Variants in PAQR3 observed in about 807,000 individuals in gnomAD.
PAQR3 encodes Raf kinase trapping to Golgi.
In PAQR3, 39 loss-of-function variants were observed where a neutral mutation model predicts 41.7. The observed-to-expected ratio is 0.93, with a 90% CI of 0.72 to 1.22. The LOEUF is 1.22. Ranked by LOEUF, PAQR3 falls within the 50% of genes most tolerant of loss-of-function variation. PAQR3 has a pLI of 0.00. For missense variants in PAQR3, 366 were observed against 385.6 expected (o/e 0.95, Z 0.42); for synonymous variants, 140 against 140.6 (o/e 1.00, Z 0.03).
Position 78,939,081 on chromosome 4 carries a change from G to A in PAQR3, c.144C>T (p.Asp48=), listed in dbSNP as rs775297777. 6.2e-7 allele frequency: 1 copy of A among 1,612,186 alleles called. No homozygotes were observed. Among genetic ancestry groups the A allele is most frequent in the East Asian group, 2.2e-5 (1 of 44,714 alleles). ...GSLKDNPYIT[D]GYRAYLPSRL... is the part of the protein sequence containing the mutation. ...TGGACGGCAGGTAGGCCCGGTAGCC[G>A]TCGGTGATGTACGGGTTGTCCTTGA... is the stretch of plus-strand genomic sequence containing the variant. The change falls in exon 1 of 6, where the codon GAC becomes GAT. Residue 48 remains aspartate (D), a synonymous_variant. Transcript: ENST00000512733.
At chr4:78,920,910 AGT>A (rs755377765) in intron 5 of PAQR3, among the ~76,000 whole-genome samples, 5 of 151,856 alleles carry the variant, frequency 3.3e-5, no homozygotes, top group African/African-American at 7.2e-5. Flanking sequence ...TGCTATTCCA[AGT>A]GTGTTTTCAA....
chr4:78,909,033 C>G (rs1734429412), downstream of PAQR3, among the ~76,000 whole-genome samples: 1 of 150,968 alleles, frequency 6.6e-6, no homozygotes, highest in Admixed American at 6.6e-5. Flanking sequence ...TGCCTGAACT[C>G]CCCTTCTTAC....
chr4:78,898,711 A>G (rs1340150394), intron 11 of PAQR3: 1 of 151,686 alleles, frequency 6.6e-6, no homozygotes, highest in Non-Finnish European at 1.5e-5. Context: ...CAAAATGACT[A>G]CAGAAATTGA....
At chr4:78,910,100 CAA>C (rs1251842396), downstream of PAQR3, among the ~76,000 whole-genome samples, 2 of 152,016 alleles carry the variant, frequency 1.3e-5, no homozygotes, top group Admixed American at 6.6e-5. Context: ...TAAGTCAATT[CAA>C]AAGATAGTGG....
chr4:78,939,347 C>T lies in PAQR3; in HGVS notation c.-123G>A, dbSNP rs1332609637. The T allele has an allele frequency of 1.3e-5, 11 of 831,450 alleles. No individual in the cohort carries two copies. In the South Asian group the frequency reaches 1.4e-4, roughly 11 times the overall value. The allele number at this position is 831,450 out of a possible 1,614,324, so 51.5% of individuals were successfully genotyped here. A position where few individuals can be genotyped will look rare whatever the true frequency, so the allele number is the denominator to read the frequency against. On this transcript the variant is annotated 5_prime_UTR_variant, in exon 1 of 6. Transcript: ENST00000512733. ...GCGGACGCTGCGCGAGGTCCTACCG[C>T]GCTGCCGCTGCTGCCCAGGGCCCGG...
At chr4:78,892,041 T>C (rs987386136) in intron 11 of PAQR3, among the ~76,000 whole-genome samples, 12 of 152,324 alleles carry the variant, frequency 7.9e-5, no homozygotes, top group Middle Eastern at 3.4e-3. Flanking sequence ...TCATGAAGGA[T>C]ATTGAACTTT....
Position 78,914,581 on chromosome 4 carries a change from T to G in PAQR3, c.*5958A>C, listed in dbSNP as rs550977127. The G allele has an allele frequency of 6.6e-6, 1 of 151,950 alleles. No individual in the cohort carries two copies. The highest frequency in any genetic ancestry group is 1.5e-5 in the Non-Finnish European group (1 of 67,894). 9.4% of individuals were successfully genotyped at this position (151,950 alleles called of 1,614,324 possible). On this transcript the variant is annotated 3_prime_UTR_variant, in exon 6 of 6. Coordinates refer to ENST00000512733, the MANE Select transcript of PAQR3 (RefSeq NM_001040202.2). ...TATTCCCTTGTGAGAATTATGAGAA[T>G]AAAGCTCCCAAGATATGTGAAAGTG... is the stretch of plus-strand genomic sequence containing the variant.
chr4:78,902,155 A>G (rs1180928334), intron 11 of PAQR3, among the ~76,000 whole-genome samples: 1 of 152,156 alleles, frequency 6.6e-6, no homozygotes, highest in Non-Finnish European at 1.5e-5. Context: ...ATTCCACTGT[A>G]TACATAGAGT....
At position 78,930,386 on chromosome 4, in the gene PAQR3, A is replaced by G. The variant is rs535594428; in HGVS notation, c.349-61T>C. 2.2e-4 allele frequency: 331 copies of G among 1,509,624 alleles called. 2 individuals carry two copies. In the African/African-American group the frequency reaches 4.0e-3, roughly 18 times the overall value. The allele number at this position is 1,509,624 out of a possible 1,614,324, so 93.5% of individuals were successfully genotyped here. On this transcript the variant is annotated intron_variant, in intron 2 of 5. Transcript: ENST00000512733. ...AAGAAACTAAAGCAACTTATGCATG[A>G]TATTCAGGGAAGTAGTTAAGAGGCT...
At chr4:78,927,326 A>G (rs745539018) in intron 3 of PAQR3, among the ~76,000 whole-genome samples, 1 of 152,230 alleles carries the variant, frequency 6.6e-6, no homozygotes, top group South Asian at 2.1e-4. Context: ...CACTGGAGGA[A>G]TAACAGAATT....
intron 1 of PAQR3, 48 bp from the exon 2 acceptor site, chr4:78,935,331 C>A: frequency 6.4e-7 from 1 of 1,552,024 alleles, no homozygotes; most frequent in Non-Finnish European, 8.8e-7. Context: ...GGCCAACTTA[C>A]TGTCACGTTC....
chr4:78,893,005 T>C (rs1733522392), intron 11 of PAQR3, among the ~76,000 whole-genome samples: 1 of 152,210 alleles, frequency 6.6e-6, no homozygotes, highest in South Asian at 2.1e-4. Flanking sequence ...GCAAAATCAG[T>C]GGACTCTTCA....
chr4:78,931,743 A>G (rs1226659030), intron 2 of PAQR3, among the ~76,000 whole-genome samples: 1 of 152,218 alleles, frequency 6.6e-6, no homozygotes, highest in Non-Finnish European at 1.5e-5. Flanking sequence ...GGCAGATTTT[A>G]AAAGTTGGGC....
chr4:78,912,461 G>T lies in PAQR3; in HGVS notation c.*8078C>A. 1 of 156,440 alleles carries T rather than the reference G, an allele frequency of 6.4e-6. No individual in the cohort carries two copies. Among genetic ancestry groups the T allele is most frequent in the Non-Finnish European group, 1.4e-5 (1 of 70,966 alleles). The allele number at this position is 156,440 out of a possible 1,614,324, so 9.7% of individuals were successfully genotyped here. The stretch of plus-strand genomic sequence containing the variant: ...AGTTACACTTGTGAATTTTTTTTAA[G>T]GTCTCTTTTAATTTCCAGACAGTTA... On this transcript the variant is annotated 3_prime_UTR_variant, in exon 6 of 6. Transcript: ENST00000512733.
At chr4:78,891,099 A>G (rs990385715) in intron 11 of PAQR3, among the ~76,000 whole-genome samples, 3 of 152,128 alleles carry the variant, frequency 2.0e-5, no homozygotes, top group Non-Finnish European at 2.9e-5. Context: ...CTGATACCTG[A>G]TTGATAATTT....
intron 1 of PAQR3, among the ~76,000 whole-genome samples, chr4:78,938,405 G>C (rs1013343427): frequency 3.3e-5 from 5 of 152,162 alleles, no homozygotes; most frequent in Admixed American, 6.5e-5. Context: ...TGCTCTAGTG[G>C]AGACTGGGTG....
At chr4:78,896,301 A>G (rs988975294) in intron 11 of PAQR3, among the ~76,000 whole-genome samples, 1 of 152,190 alleles carries the variant, frequency 6.6e-6, no homozygotes, top group Non-Finnish European at 1.5e-5. Flanking sequence ...TACTCAAAGC[A>G]TGTGTATTGA....
rs377751585 is a variant in PAQR3 at position 78,939,251 on chromosome 4, C to T, written c.-27G>A. 9 of 1,569,596 alleles carry T rather than the reference C, an allele frequency of 5.7e-6. No individual in the cohort carries two copies. The African/African-American group carries it at 1.3e-4, about 22-fold the overall frequency. On this transcript the variant is annotated 5_prime_UTR_variant, in exon 1 of 6. Coordinates refer to ENST00000512733, the MANE Select transcript of PAQR3 (RefSeq NM_001040202.2). ...GTTCCCGGCCGCCGCCGCTCCCCGGCTCGGGAGCTCCCCCAGGTCCCGCCT... is the reference window on the plus strand; with the variant it reads ...GTTCCCGGCCGCCGCCGCTCCCCGGTTCGGGAGCTCCCCCAGGTCCCGCCT...
exon 13 of PAQR3, chr4:78,887,226 T>A: frequency 6.2e-7 from 1 of 1,612,090 alleles, no homozygotes; most frequent in East Asian, 2.2e-5. Context: ...CACTTTCTGC[T>A]CCACATAACC....
Sources: allele counts gnomAD v4.1 joint callset (sites outside exome capture counted in the v4.1 genomes callset), GRCh38; gene constraint gnomAD v4.1.1; transcripts MANE v1.5; gene names NCBI Gene and HGNC (gene_info 2026-07-23, HGNC 2026-07-21).